Variants in SLC4A1AP observed in about 807,000 individuals in gnomAD.
SLC4A1AP encodes kanadaptin.
A neutral mutation model predicts 89.7 loss-of-function variants in SLC4A1AP; 64 were observed. The ratio of observed to expected loss-of-function variants is 0.71; its 90% CI spans 0.58 to 0.88. SLC4A1AP has a LOEUF of 0.88. SLC4A1AP is among the 40% of genes least tolerant of loss of function. SLC4A1AP has a pLI of 0.00. For synonymous variants in SLC4A1AP, 366 were observed against 353.3 expected, an observed-to-expected ratio of 1.04 and a Z score of -0.40; for missense variants, 931 against 965.0, an observed-to-expected ratio of 0.96 and a Z score of 0.47.
At chr2:27,669,433 ACT>A (rs747464436) in intron 5 of SLC4A1AP, 46 bp downstream of exon 5, 75 of 1,457,748 alleles carry the variant, frequency 5.1e-5, no homozygotes, top group Non-Finnish European at 6.3e-5. Flanking sequence ...AAAAAGGAAA[ACT>A]CAACACAAAC....
intron 8 of SLC4A1AP, among the ~76,000 whole-genome samples, chr2:27,678,862 G>A (rs186315195): frequency 1.2e-4 from 18 of 151,740 alleles, no homozygotes; most frequent in East Asian, 4.0e-4. Flanking sequence ...GGGACCACAC[G>A]CATGCTCCAC....
intron 12 of SLC4A1AP, 64 bp from the exon 13 acceptor site, chr2:27,693,621 C>A: frequency 7.5e-7 from 1 of 1,326,694 alleles, no homozygotes; most frequent in Non-Finnish European, 1.1e-6. Flanking sequence ...CCAATCCCTT[C>A]TGCAGTTGTA....
intron 12 of SLC4A1AP, among the ~76,000 whole-genome samples, chr2:27,689,023 A>C: frequency 6.6e-6 from 1 of 152,226 alleles, no homozygotes; most frequent in East Asian, 1.9e-4. Context: ...TGCCATATAA[A>C]GACATTTGAA....
chr2:27,688,043 T>G, intron 11 of SLC4A1AP, 23 bp downstream of exon 11: 6 of 1,568,476 alleles, frequency 3.8e-6, no homozygotes, highest in Non-Finnish European at 4.4e-6. Flanking sequence ...GCAGCCTTCA[T>G]TGCTGCTCTG....
At chr2:27,664,540 T>C (rs768052903) in exon 1 of SLC4A1AP, 3 of 1,613,768 alleles carry the variant, frequency 1.9e-6, no homozygotes, top group Non-Finnish European at 2.5e-6. Context: ...GGGCATGTTG[T>C]TCGCTTTGGA....
chr2:27,676,671 A>T (rs1675528752), intron 6 of SLC4A1AP, among the ~76,000 whole-genome samples: 2 of 151,722 alleles, frequency 1.3e-5, no homozygotes, highest in Non-Finnish European at 2.9e-5. Flanking sequence ...AAAAAAAAAA[A>T]ATACAAAAAT....
At chr2:27,681,153 T>C (rs1427294499) in intron 8 of SLC4A1AP, among the ~76,000 whole-genome samples, 1 of 152,224 alleles carries the variant, frequency 6.6e-6, no homozygotes, top group East Asian at 1.9e-4. Flanking sequence ...TTGCTGTTGC[T>C]TCTGTCTTTC....
chr2:27,669,234 C>T lies in SLC4A1AP; in HGVS notation c.1206-14C>T. The T allele has an allele frequency of 6.3e-7, 1 of 1,597,382 alleles. No homozygotes were observed. The highest frequency in any genetic ancestry group is 1.4e-5 in the African/African-American group (1 of 73,870). ...GCTTAATGCTGTGCTATAATTCCCA[C>T]CAAATCAATGAAGATTACCTGTGGA... On this transcript the variant is annotated splice_polypyrimidine_tract_variant and intron_variant, in intron 4 of 13. Transcript: ENST00000613058.
exon 9 of SLC4A1AP, chr2:27,682,270 G>A (rs376490009): frequency 3.7e-6 from 6 of 1,613,126 alleles, no homozygotes; most frequent in Non-Finnish European, 5.1e-6. Flanking sequence ...GACTACAGGT[G>A]CAGAAAACAA....
chr2:27,694,726 A>C (rs768841888), exon 14 of SLC4A1AP: 1 of 1,373,174 alleles, frequency 7.3e-7, no homozygotes, highest in African/African-American at 1.4e-5. Context: ...ACCATGTGAC[A>C]TGGAATATTT....
At chr2:27,685,766 C>T (rs552941457) in intron 10 of SLC4A1AP, among the ~76,000 whole-genome samples, 18 of 152,122 alleles carry the variant, frequency 1.2e-4, no homozygotes, top group Non-Finnish European at 2.5e-4. Flanking sequence ...AGCACAAAAC[C>T]TGACACATAT....
chr2:27,677,214 G>T, intron 6 of SLC4A1AP, 81 bp from the exon 7 acceptor site: 1 of 906,232 alleles, frequency 1.1e-6, no homozygotes. Context: ...AAAACTTCTA[G>T]TAAGAATAAT....
At chr2:27,678,955 G>T (rs1454275411) in intron 8 of SLC4A1AP, among the ~76,000 whole-genome samples, 1 of 151,880 alleles carries the variant, frequency 6.6e-6, no homozygotes, top group African/African-American at 2.4e-5. Context: ...TGGCCTCAAG[G>T]TATCTGCCCA....
chr2:27,684,671 G>C (rs1352456123), intron 9 of SLC4A1AP, among the ~76,000 whole-genome samples: 1 of 152,090 alleles, frequency 6.6e-6, no homozygotes, highest in Non-Finnish European at 1.5e-5. Flanking sequence ...ACTTATTTCT[G>C]ATTGTCTGAT....
intron 10 of SLC4A1AP, among the ~76,000 whole-genome samples, chr2:27,687,074 G>A (rs1257597673): frequency 1.3e-5 from 2 of 152,046 alleles, no homozygotes; most frequent in Non-Finnish European, 2.9e-5. Context: ...AAAGTGCTGG[G>A]ATTATAGGCG....
At chr2:27,689,266 G>C (rs893333719) in intron 12 of SLC4A1AP, among the ~76,000 whole-genome samples, 2 of 152,154 alleles carry the variant, frequency 1.3e-5, no homozygotes, top group African/African-American at 4.8e-5. Flanking sequence ...ATACTATAAT[G>C]AACAATCTTG....
chr2:27,674,125 TAACA>T (rs1380436944), intron 5 of SLC4A1AP, among the ~76,000 whole-genome samples: 32 of 152,074 alleles, frequency 2.1e-4, no homozygotes, highest in Admixed American at 2.0e-3. Flanking sequence ...GCCCTGAACT[TAACA>T]GTCTCTCACT....
At chr2:27,670,922 CTTT>C (rs34481114) in intron 5 of SLC4A1AP, among the ~76,000 whole-genome samples, 3 of 111,840 alleles carry the variant, frequency 2.7e-5, no homozygotes, top group Non-Finnish European at 1.8e-5. Flanking sequence ...CTTTTCTTTT[CTTT>C]TTTTTTTTTT....
At chr2:27,673,984 T>C (rs540726879) in intron 5 of SLC4A1AP, among the ~76,000 whole-genome samples, 3 of 146,722 alleles carry the variant, frequency 2.0e-5, no homozygotes, top group African/African-American at 7.7e-5. Context: ...CCAGGACATA[T>C]ACAAGTTGTG....
Sources: gnomAD v4.1 joint callset for allele counts (sites outside exome capture counted in the v4.1 genomes callset) on GRCh38, gnomAD v4.1.1 for gene constraint, MANE v1.5 for transcripts, NCBI Gene and HGNC (gene_info 2026-07-23, HGNC 2026-07-21) for gene names.